Variants in DCHS2 observed in about 807,000 individuals in gnomAD.
The protein encoded by DCHS2 is protocadherin-23.
Under a neutral mutation model 182.4 loss-of-function variants are expected in DCHS2, and 142 were observed. The ratio of observed to expected loss-of-function variants is 0.78; its 90% confidence interval spans 0.68 to 0.89. DCHS2 has a LOEUF of 0.89. Among genes scored for constraint, DCHS2 ranks in the 40% least tolerant of loss-of-function variants. DCHS2 has a pLI of 0.00. For synonymous variants in DCHS2, 1,740 were observed against 1,663.3 expected (o/e 1.05, Z -1.12); for missense variants, 4,319 against 4,198.6 (o/e 1.03, Z -0.79).
In DCHS2 at chr4:154,321,287, A is replaced by G; in HGVS notation, c.4177-65T>C. On this transcript the variant is annotated intron_variant, in intron 8 of 19. Transcript: ENST00000357232. ...TTAAAACAGTTTAATGAATAAATGT[A>G]ATAATATTATTTTGAAAGCAAATTC... 2.9e-6 allele frequency: 4 copies of G among 1,378,484 alleles called. No individual in the cohort carries two copies. The East Asian group carries it at 1.0e-4, about 35-fold the overall frequency. 85.4% of individuals were successfully genotyped at this position (1,378,484 alleles called of 1,614,324 possible).
At chr4:154,286,698 C>A (rs1157359372) in intron 13 of DCHS2, among the ~76,000 whole-genome samples, 5 of 152,010 alleles carry the variant, frequency 3.3e-5, no homozygotes, top group Middle Eastern at 3.4e-3. Context: ...GAAGAAAGCA[C>A]ATCTACAAGA....
rs757316325 is a variant in DCHS2, at chr4:154,321,034, G to T, written c.4365C>A (p.Asp1455Glu). The T allele has an allele frequency of 1.2e-6, 2 of 1,613,420 alleles. No individual in the cohort carries two copies. The highest frequency in any genetic ancestry group is 1.7e-6 in the Non-Finnish European group (2 of 1,179,554). ...AAAGAAACAAGTCTCCGGTTGAGCTGTCTATTTCAAAGTGTCCATCCTTAT... is the reference window on the plus strand; with the variant it reads ...AAAGAAACAAGTCTCCGGTTGAGCTTTCTATTTCAAAGTGTCCATCCTTAT... ...ADDKDGHFEI[D>E]SSTGDLFLSK... The change falls in exon 9 of 20, where the codon GAC (aspartate) becomes GAA (glutamate). Residue 1455 changes from aspartate to glutamate, a missense_variant. Physicochemically the swap from Asp to Glu is conservative, Grantham distance 45. Coordinates refer to ENST00000357232, the MANE Select transcript of DCHS2 (RefSeq NM_001358235.2).
chr4:154,352,245 A>T (rs1187854462), intron 3 of DCHS2, among the ~76,000 whole-genome samples: 1 of 152,178 alleles, frequency 6.6e-6, no homozygotes, highest in Non-Finnish European at 1.5e-5. Flanking sequence ...AGTCACCCCA[A>T]CCTGCCAGAC....
rs144744150 is a variant in DCHS2 at position 154,343,731 on chromosome 4, A to T, written c.2477-8627T>A. 5,077 of 1,213,620 alleles carry T rather than the reference A, an allele frequency of 4.2e-3. 15 individuals carry two copies. Among genetic ancestry groups the T allele is most frequent in the Non-Finnish European group, 4.4e-3 (4,271 of 963,886 alleles). The allele number at this position is 1,213,620 out of a possible 1,614,324, so 75.2% of individuals were successfully genotyped here. On this transcript the variant is annotated intron_variant, in intron 3 of 19. Coordinates refer to ENST00000357232, the MANE Select transcript of DCHS2 (RefSeq NM_001358235.2). ...GTGGCTGCTTTGATCTATCCAGACC[A>T]CTCAAACTTTCTGACTCAGCAATGA...
Position 154,377,270 on chromosome 4 carries a change from C to T in DCHS2, c.2227G>A (p.Val743Met). 2 of 1,613,298 alleles carry T rather than the reference C, an allele frequency of 1.2e-6. No individual in the cohort carries two copies. The highest frequency in any genetic ancestry group is 1.3e-5 in the African/African-American group (1 of 74,982). The stretch of plus-strand genomic sequence containing the variant: ...AAACTTACCCCATCCTTAGCTTCCA[C>T]CAGGAGATCATAGGTAGCTGGATCC... The part of the protein sequence containing the change: ...ERDPATYDLL[V>M]EAKDGGGLSA... Residue 743 changes from valine to methionine, a missense_variant, in exon 2 of 20, where the codon GTG becomes ATG. Coordinates refer to ENST00000357232, the MANE Select transcript of DCHS2 (RefSeq NM_001358235.2).
chr4:154,450,658 C>T (rs778467355), intron 1 of DCHS2, among the ~76,000 whole-genome samples: 1 of 152,090 alleles, frequency 6.6e-6, no homozygotes, highest in South Asian at 2.1e-4. Flanking sequence ...CATGGTGAAA[C>T]CCCATCTCTA....
At chr4:154,486,561 GTACAGT>G (rs1195741064) in intron 1 of DCHS2, 1 of 1,299,936 alleles carries the variant, frequency 7.7e-7, no homozygotes, top group Non-Finnish European at 1.0e-6. Context: ...CAGAAAGAAG[GTACAGT>G]TACAAGGAAT....
At chr4:154,281,365 G>C (rs1734137799) in intron 13 of DCHS2, among the ~76,000 whole-genome samples, 1 of 152,116 alleles carries the variant, frequency 6.6e-6, no homozygotes, top group Admixed American at 6.6e-5. Context: ...GCAAATATTA[G>C]TTGTGTTTCT....
At chr4:154,352,331 A>G (rs1729659492) in intron 3 of DCHS2, 1 of 152,194 alleles carries the variant, frequency 6.6e-6, no homozygotes, top group Non-Finnish European at 1.5e-5. Context: ...TCATTCTCTG[A>G]GAAGCTCAGC....
intron 3 of DCHS2, among the ~76,000 whole-genome samples, chr4:154,339,774 C>G (rs1728979709): frequency 1.3e-5 from 2 of 152,032 alleles, no homozygotes; most frequent in African/African-American, 4.8e-5. Flanking sequence ...TGGTATATCT[C>G]TATTTAATGT....
chr4:154,336,887 G>T (rs955425312), intron 3 of DCHS2, among the ~76,000 whole-genome samples: 1 of 152,138 alleles, frequency 6.6e-6, no homozygotes, highest in Non-Finnish European at 1.5e-5. Flanking sequence ...CATGGTCCAA[G>T]TTGATCATCT....
intron 1 of DCHS2, among the ~76,000 whole-genome samples, chr4:154,470,716 T>A (rs1323382174): frequency 3.9e-5 from 6 of 152,206 alleles, no homozygotes; most frequent in Non-Finnish European, 7.4e-5. Flanking sequence ...GTTTAACTAA[T>A]ACCTGTAGTT....
intron 1 of DCHS2, among the ~76,000 whole-genome samples, chr4:154,467,162 T>C (rs182118272): frequency 1.3e-5 from 2 of 152,164 alleles, no homozygotes; most frequent in Non-Finnish European, 2.9e-5. Flanking sequence ...AATCAAAATG[T>C]GTGCAAGGCT....
At chr4:154,387,772 T>C (rs1265770509) in intron 1 of DCHS2, among the ~76,000 whole-genome samples, 1 of 152,036 alleles carries the variant, frequency 6.6e-6, no homozygotes, top group Non-Finnish European at 1.5e-5. Flanking sequence ...CTGCAACAAA[T>C]ATATAGTAAA....
At chr4:154,431,216 C>T (rs184545618) in intron 1 of DCHS2, among the ~76,000 whole-genome samples, 6 of 152,022 alleles carry the variant, frequency 3.9e-5, no homozygotes, top group East Asian at 1.9e-4. Flanking sequence ...TGGATGCAGG[C>T]GGGGGGAGAT....
intron 16 of DCHS2, among the ~76,000 whole-genome samples, chr4:154,248,532 T>TTTGA (rs1344493250): frequency 5.9e-5 from 9 of 152,326 alleles, no homozygotes; most frequent in African/African-American, 2.2e-4. Flanking sequence ...TATATATTAC[T>TTTGA]TTGATAATAA....
intron 18 of DCHS2, 123 bp downstream of exon 18, chr4:154,240,413 AC>A: frequency 8.5e-7 from 1 of 1,181,664 alleles, no homozygotes; most frequent in Non-Finnish European, 1.2e-6. Context: ...CGCAGCGTTA[AC>A]TTAGGCACTA....
chr4:154,384,207 A>G (rs1282711021), intron 1 of DCHS2, among the ~76,000 whole-genome samples: 1 of 152,192 alleles, frequency 6.6e-6, no homozygotes, highest in African/African-American at 2.4e-5. Flanking sequence ...CCACTTGGCA[A>G]GTTCACCAAG....
At chr4:154,380,656 G>A (rs1247353462) in intron 1 of DCHS2, among the ~76,000 whole-genome samples, 2 of 152,094 alleles carry the variant, frequency 1.3e-5, no homozygotes, top group Non-Finnish European at 2.9e-5. Flanking sequence ...AAAGCAAAAT[G>A]TAAGGAGACA....
Sources: allele counts gnomAD v4.1 joint callset (sites outside exome capture counted in the v4.1 genomes callset), GRCh38; gene constraint gnomAD v4.1.1; transcripts MANE v1.5; gene names NCBI Gene and HGNC (gene_info 2026-07-23, HGNC 2026-07-21).